The following GAS7 variants were observed in gnomAD, a reference collection of about 807,000 sequenced individuals.
The protein encoded by GAS7 is growth arrest specific 7, also known as growth arrest-specific protein 7.
Under a neutral mutation model 71.1 loss-of-function variants are expected in GAS7, and 28 were observed. That is an observed-to-expected ratio of 0.39 (90% CI 0.29 to 0.54). The LOEUF (loss-of-function observed/expected upper bound fraction) is 0.54. Among genes scored for constraint, GAS7 ranks in the 20% least tolerant of loss-of-function variants. The probability of loss-of-function intolerance (pLI) is 0.62; values close to 1 mark genes in which losing one functional copy is unlikely to be tolerated. For synonymous variants in GAS7, 258 were observed against 245.8 expected (o/e 1.05, Z -0.46); for missense variants, 436 against 627.8 (o/e 0.69, Z 3.27).
intron 2 of GAS7, among the ~76,000 whole-genome samples, chr17:10,005,711 C>G (rs1013281804): frequency 6.6e-6 from 1 of 152,140 alleles, no homozygotes; most frequent in Non-Finnish European, 1.5e-5. Context: ...TGTTGACAGT[C>G]TCTAGTCTAA....
chr17:10,147,606 G>A, intron 1 of GAS7, among the ~76,000 whole-genome samples: 1 of 152,170 alleles, frequency 6.6e-6, no homozygotes, highest in Non-Finnish European at 1.5e-5. Flanking sequence ...GATCAGCCAA[G>A]GGGGCTAAGA....
chr17:10,105,721 C>T (rs1462122388), intron 1 of GAS7, among the ~76,000 whole-genome samples: 1 of 152,152 alleles, frequency 6.6e-6, no homozygotes, highest in East Asian at 1.9e-4. Context: ...CGCATGAGCC[C>T]GTGTAACTGC....
chr17:10,009,935 T>C (rs766515220), intron 2 of GAS7, among the ~76,000 whole-genome samples: 46 of 152,208 alleles, frequency 3.0e-4, no homozygotes, highest in Non-Finnish European at 4.8e-4. Context: ...TTTCTTTATC[T>C]ACTAATCCAC....
At chr17:10,020,816 G>A (rs1282108778) in intron 1 of GAS7, among the ~76,000 whole-genome samples, 2 of 152,140 alleles carry the variant, frequency 1.3e-5, no homozygotes, top group African/African-American at 4.8e-5. Flanking sequence ...GGGAGGCTGA[G>A]GCAAGAGAAT....
In GAS7 at chr17:9,917,195, C is replaced by T; in HGVS notation, c.*33G>A. On this transcript the variant is annotated 3_prime_UTR_variant, in exon 14 of 14. Coordinates refer to ENST00000432992, the MANE Select transcript of GAS7 (RefSeq NM_201433.2). ...CATGGTGGGAGCCCAGCCCCCCTCCCCAGCAGGACCCCCCGAAGCTGCACA... is the reference window on the plus strand; with the variant it reads ...CATGGTGGGAGCCCAGCCCCCCTCCTCAGCAGGACCCCCCGAAGCTGCACA... 12 of 1,307,498 alleles carry T rather than the reference C, an allele frequency of 9.2e-6. No homozygotes were observed. Among genetic ancestry groups the T allele is most frequent in the Non-Finnish European group, 1.3e-5 (12 of 900,046 alleles). 81.0% of individuals were successfully genotyped at this position (1,307,498 alleles called of 1,614,324 possible). A position where few individuals can be genotyped will look rare whatever the true frequency, so the allele number is the denominator to read the frequency against.
At chr17:9,970,031 C>G (rs2069895115) in intron 3 of GAS7, among the ~76,000 whole-genome samples, 1 of 152,154 alleles carries the variant, frequency 6.6e-6, no homozygotes, top group Non-Finnish European at 1.5e-5. Flanking sequence ...ATGTGCCTAA[C>G]AGGAGGGGAG....
At chr17:10,041,240 A>G (rs1286808137) in intron 1 of GAS7, among the ~76,000 whole-genome samples, 1 of 152,050 alleles carries the variant, frequency 6.6e-6, no homozygotes, top group Non-Finnish European at 1.5e-5. Flanking sequence ...TTCAGTCCTT[A>G]CAGGTTTGTG....
chr17:10,157,830 AG>A (rs2074216545), intron 1 of GAS7, among the ~76,000 whole-genome samples: 1 of 152,172 alleles, frequency 6.6e-6, no homozygotes, highest in Non-Finnish European at 1.5e-5. Flanking sequence ...TGTGAAACCC[AG>A]ATGGCCAGTA....
At chr17:9,937,101 T>C (rs1174677320) in intron 8 of GAS7, among the ~76,000 whole-genome samples, 1 of 152,236 alleles carries the variant, frequency 6.6e-6, no homozygotes, top group African/African-American at 2.4e-5. Flanking sequence ...GCTCATGTGT[T>C]CATGTTCCAG....
At chr17:10,007,522 GCT>G (rs2071585452) in intron 2 of GAS7, among the ~76,000 whole-genome samples, 1 of 151,010 alleles carries the variant, frequency 6.6e-6, no homozygotes, top group Non-Finnish European at 1.5e-5. Flanking sequence ...TACTCGGGAG[GCT>G]GAGGCAGGAG....
intron 1 of GAS7, among the ~76,000 whole-genome samples, chr17:10,145,129 G>A (rs77814411): frequency 5.8e-4 from 89 of 152,376 alleles, no homozygotes; most frequent in African/African-American, 2.1e-3. Flanking sequence ...GCCCCACACT[G>A]GCAGACAGCC....
chr17:9,975,041 T>C (rs929011124), intron 3 of GAS7, among the ~76,000 whole-genome samples: 1 of 152,190 alleles, frequency 6.6e-6, no homozygotes, highest in Non-Finnish European at 1.5e-5. Flanking sequence ...ATAAACATAG[T>C]AATTTCACTC....
Position 9,919,569 on chromosome 17 carries a change from G to A in GAS7, c.1218+57C>T. On this transcript the variant is annotated intron_variant, in intron 12 of 13. Coordinates refer to ENST00000432992, the MANE Select transcript of GAS7 (RefSeq NM_201433.2). The surrounding 1 kb of genome is among the most constrained non-coding windows in gnomAD (Gnocchi z 5.0). ...TCCCCGCGCCCACCAACAACCACCA[G>A]GGGCTGCTCTGTGTCAGCCTCTGTA... 7.9e-7 allele frequency: 1 copy of A among 1,271,064 alleles called. No individual in the cohort carries two copies. Among genetic ancestry groups the A allele is most frequent in the East Asian group, 2.3e-5 (1 of 43,328 alleles). 78.7% of individuals were successfully genotyped at this position (1,271,064 alleles called of 1,614,324 possible).
Position 9,949,765 on chromosome 17 carries a change from C to G in GAS7, c.526-2782G>C, listed in dbSNP as rs1394243590. ...AATCCCTTCTTCTCTTTCTCCTTCC[C>G]TTCCTCCCCTCCTCCCTTCCTCTCC... On this transcript the variant is annotated intron_variant, in intron 5 of 13. Transcript: ENST00000432992. Among the ~76,000 whole-genome samples the G allele has an allele frequency of 3.3e-5, 4 of 120,450 alleles. No homozygotes were observed. The East Asian group carries it at 7.9e-4, about 24-fold the overall frequency. 79.0% of individuals were successfully genotyped at this position (120,450 alleles called of 152,430 possible).
chr17:10,078,255 C>T (rs1298176002), intron 1 of GAS7, among the ~76,000 whole-genome samples: 2 of 152,010 alleles, frequency 1.3e-5, no homozygotes, highest in African/African-American at 4.8e-5. Context: ...CCATGCCTGG[C>T]TAATTTTTGT....
intron 1 of GAS7, among the ~76,000 whole-genome samples, chr17:10,056,022 G>C (rs2073131616): frequency 6.6e-6 from 1 of 152,190 alleles, no homozygotes; most frequent in Non-Finnish European, 1.5e-5. Context: ...AGCCCCTGCA[G>C]ACTGTATATC....
intron 1 of GAS7, among the ~76,000 whole-genome samples, chr17:10,093,915 T>C (rs1447921091): frequency 2.0e-5 from 3 of 152,172 alleles, no homozygotes; most frequent in African/African-American, 4.8e-5. Context: ...AAATCAGACA[T>C]GGCTCAGCAC....
intron 1 of GAS7, among the ~76,000 whole-genome samples, chr17:10,032,108 T>TCA (rs2072634616): frequency 1.0e-5 from 1 of 97,434 alleles, no homozygotes; most frequent in Admixed American, 1.1e-4. Context: ...TTGGGGAACC[T>TCA]CAGAAAAAAA....
intron 2 of GAS7, among the ~76,000 whole-genome samples, chr17:9,986,257 C>A (rs993017021): frequency 6.6e-6 from 1 of 152,298 alleles, no homozygotes; most frequent in African/African-American, 2.4e-5. Context: ...GCTGCCACCA[C>A]CCCTTTGGTG....
Sources: allele counts gnomAD v4.1 joint callset (sites outside exome capture counted in the v4.1 genomes callset), GRCh38; gene constraint gnomAD v4.1.1; non-coding constraint Gnocchi (gnomAD v3.1); transcripts MANE v1.5; gene names NCBI Gene and HGNC (gene_info 2026-07-23, HGNC 2026-07-21).